PLCL2: variants seen among roughly 807,000 people sequenced by gnomAD.
The protein encoded by PLCL2 is inactive phospholipase C-like protein 2.
A neutral mutation model predicts 79.6 loss-of-function variants in PLCL2; 4 were observed. That is an observed-to-expected ratio of 0.05 (90% CI 0.02 to 0.11). The LOEUF (loss-of-function observed/expected upper bound fraction) is 0.11. Ranked by LOEUF, PLCL2 falls within the 10% of genes least tolerant of loss-of-function variation. The pLI, the probability that PLCL2 is intolerant of heterozygous loss-of-function variation, is 1.00. For synonymous variants in PLCL2, 484 were observed against 457.7 expected, an observed-to-expected ratio of 1.06 and a Z score of -0.73; for missense variants, 895 against 1,291.0, an observed-to-expected ratio of 0.69 and a Z score of 4.70.
chr3:17,048,715 G>T (rs938159362), intron 4 of PLCL2, among the ~76,000 whole-genome samples: 1 of 152,174 alleles, frequency 6.6e-6, no homozygotes. Context: ...TGCTTAAAAC[G>T]CTGTGTGATG....
rs2063698876 is a variant in PLCL2 at position 16,955,799 on chromosome 3, G to A, written c.328-53875G>A. Among the ~76,000 whole-genome samples the A allele has an allele frequency of 2.6e-5, 4 of 152,148 alleles. No homozygotes were observed. In the South Asian group the frequency reaches 8.3e-4, roughly 32 times the overall value. ...TATTCTCTTTGAAGCAATTGTGAAT[G>A]GGAGTTCACTCATGATTTGGCTCTC... is the stretch of plus-strand genomic sequence containing the variant. On this transcript the variant is annotated intron_variant, in intron 1 of 5. Transcript: ENST00000615277.
chr3:17,039,952 A>G (rs951701963), intron 3 of PLCL2, among the ~76,000 whole-genome samples: 2 of 152,212 alleles, frequency 1.3e-5, no homozygotes, highest in Non-Finnish European at 2.9e-5. Context: ...GGATACCATT[A>G]CACTACAAGT....
At chr3:16,949,037 A>G (rs560066067) in intron 1 of PLCL2, among the ~76,000 whole-genome samples, 24 of 152,232 alleles carry the variant, frequency 1.6e-4, no homozygotes, top group African/African-American at 5.3e-4. Flanking sequence ...ATATGCATGT[A>G]TGACAAATAA....
rs768131626 is a variant in PLCL2 at position 17,067,976 on chromosome 3, T to C, written c.3115T>C (p.Leu1039=). The C allele has an allele frequency of 1.2e-6, 2 of 1,608,854 alleles. No individual in the cohort carries two copies. The highest frequency in any genetic ancestry group is 1.1e-5 in the South Asian group (1 of 90,468). The change falls in exon 5 of 6, where the codon TTG becomes CTG. Residue 1039 remains leucine (L), a synonymous_variant. Coordinates refer to ENST00000615277, the MANE Select transcript of PLCL2 (RefSeq NM_001144382.2). ...QKAAMEFHEH[L]HSIGTKEGLK... is the part of the protein sequence containing the mutation. ...TTCAGCCATGGAATTCCATGAACAC[T>C]TGCACAGCATAGGCACCAAGGAAGG...
intron 1 of PLCL2, among the ~76,000 whole-genome samples, chr3:16,897,007 T>G (rs1696497589): frequency 6.6e-6 from 1 of 152,156 alleles, no homozygotes; most frequent in Admixed American, 6.5e-5. Context: ...GGTTCTCGAC[T>G]TCCCTGTGTA....
intron 4 of PLCL2, among the ~76,000 whole-genome samples, chr3:17,049,534 C>T (rs906392967): frequency 1.3e-5 from 2 of 152,088 alleles, no homozygotes; most frequent in Non-Finnish European, 2.9e-5. Context: ...TATATGCCAA[C>T]AGTGAACAAT....
chr3:16,923,339 C>T (rs914241121), intron 1 of PLCL2, among the ~76,000 whole-genome samples: 7 of 152,102 alleles, frequency 4.6e-5, no homozygotes, highest in Admixed American at 2.0e-4. Flanking sequence ...GAGGGGAAGA[C>T]GAGGGAGGTT....
intron 1 of PLCL2, among the ~76,000 whole-genome samples, chr3:17,003,321 G>A (rs563782671): frequency 2.6e-5 from 4 of 152,244 alleles, no homozygotes; most frequent in Admixed American, 6.5e-5. Context: ...TTTGGGATTT[G>A]TGTTGCCATT....
At chr3:17,050,029 C>T (rs112011238) in intron 4 of PLCL2, among the ~76,000 whole-genome samples, 1 of 152,048 alleles carries the variant, frequency 6.6e-6, no homozygotes, top group African/African-American at 2.4e-5. Flanking sequence ...AAGAAATCCA[C>T]ACACCTACAA....
At chr3:16,971,176 T>C (rs564446744) in intron 1 of PLCL2, among the ~76,000 whole-genome samples, 1 of 151,782 alleles carries the variant, frequency 6.6e-6, no homozygotes, top group South Asian at 2.1e-4. Flanking sequence ...GGTTTTCTTC[T>C]AGGGTTTTTA....
At chr3:17,080,590 A>ATATG in intron 5 of PLCL2, among the ~76,000 whole-genome samples, 1 of 152,220 alleles carries the variant, frequency 6.6e-6, no homozygotes, top group South Asian at 2.1e-4. Context: ...AGCTGGGATT[A>ATATG]CAGTCGCCCG....
At chr3:17,026,575 C>T (rs1418091829) in intron 3 of PLCL2, among the ~76,000 whole-genome samples, 1 of 152,140 alleles carries the variant, frequency 6.6e-6, no homozygotes, top group African/African-American at 2.4e-5. Context: ...CATGAAATAA[C>T]TTTAGCTTTT....
At chr3:16,981,057 G>A (rs954280988) in intron 1 of PLCL2, among the ~76,000 whole-genome samples, 1 of 152,352 alleles carries the variant, frequency 6.6e-6, no homozygotes, top group Middle Eastern at 3.4e-3. Context: ...AATCAGGCAG[G>A]GAGGTTGCAG....
Position 16,999,159 on chromosome 3 carries a change from A to C in PLCL2, c.328-10515A>C, listed in dbSNP as rs373641324. 5.9e-5 allele frequency among the ~76,000 whole-genome samples: 9 copies of C among 152,064 alleles called. 1 individual carries two copies. The highest frequency in any genetic ancestry group is 6.6e-5 in the Admixed American group (1 of 15,066). ...TTTAAAATTAACACAAGACTTTGAG[A>C]AATGGTTTTTTTTCCCTATGGGTGT... On this transcript the variant is annotated intron_variant, in intron 1 of 5. Coordinates refer to ENST00000615277, the MANE Select transcript of PLCL2 (RefSeq NM_001144382.2).
intron 3 of PLCL2, among the ~76,000 whole-genome samples, chr3:17,027,363 A>G (rs1197556553): frequency 2.0e-5 from 3 of 152,242 alleles, no homozygotes; most frequent in South Asian, 4.1e-4. Flanking sequence ...TTTGCTCTCC[A>G]TAAATGAAGT....
chr3:16,939,537 A>G (rs748914792), intron 1 of PLCL2, among the ~76,000 whole-genome samples: 1 of 152,244 alleles, frequency 6.6e-6, no homozygotes, highest in South Asian at 2.1e-4. Context: ...CCTGTAGACA[A>G]AGCAGACCAC....
intron 3 of PLCL2, among the ~76,000 whole-genome samples, chr3:17,021,894 G>A (rs745938493): frequency 2.0e-5 from 3 of 152,168 alleles, no homozygotes; most frequent in Admixed American, 6.5e-5. Context: ...AAATTGCAAA[G>A]TAAGCAAGGA....
chr3:17,042,607 A>G (rs1371321761), intron 3 of PLCL2: 3 of 293,718 alleles, frequency 1.0e-5, no homozygotes, highest in East Asian at 1.2e-4. Context: ...TCAGTTCAGT[A>G]TATTAGCTCA....
intron 3 of PLCL2, among the ~76,000 whole-genome samples, chr3:17,022,078 C>T (rs1259144675): frequency 2.0e-5 from 3 of 151,902 alleles, no homozygotes; most frequent in Non-Finnish European, 4.4e-5. Context: ...TTTTACTTTT[C>T]TGTTTAGAGC....
Sources: gnomAD v4.1 joint callset for allele counts (sites outside exome capture counted in the v4.1 genomes callset) on GRCh38, gnomAD v4.1.1 for gene constraint, MANE v1.5 for transcripts, NCBI Gene and HGNC (gene_info 2026-07-23, HGNC 2026-07-21) for gene names.